The following ADAMTS18 variants were observed in gnomAD, a reference collection of about 807,000 sequenced individuals.
ADAMTS18 encodes the protein ADAM metallopeptidase with thrombospondin type 1 motif 18.
Under a neutral mutation model 165.9 loss-of-function variants are expected in ADAMTS18, and 157 were observed. That is an observed-to-expected ratio of 0.95 (90% CI 0.83 to 1.08). The LOEUF is 1.08. ADAMTS18 is among the 50% of genes least tolerant of loss of function. The pLI, the probability that ADAMTS18 is intolerant of heterozygous loss-of-function variation, is 0.00. For missense variants in ADAMTS18, 2,040 were observed against 1,534.0 expected, an observed-to-expected ratio of 1.33 and a Z score of -5.51; for synonymous variants, 782 against 578.2, an observed-to-expected ratio of 1.35 and a Z score of -5.06.
At chr16:77,398,063 T>C (rs965792620) in intron 3 of ADAMTS18, among the ~76,000 whole-genome samples, 3 of 152,146 alleles carry the variant, frequency 2.0e-5, no homozygotes, top group Non-Finnish European at 4.4e-5. Context: ...ACACCTATAA[T>C]CCCAGCACTT....
rs1420850640 is a variant in ADAMTS18, at chr16:77,282,636, G to A, written c.*1320C>T. On this transcript the variant is annotated 3_prime_UTR_variant, in exon 23 of 23. Transcript: ENST00000282849. ...ATCAAAGAAGTTGAGGAATAAAGTA[G>A]AATTTATGTAAATATGCCCTTTATA... The A allele has an allele frequency of 6.6e-6, 1 of 152,544 alleles. No homozygotes were observed. Among genetic ancestry groups the A allele is most frequent in the Non-Finnish European group, 1.5e-5 (1 of 68,032 alleles). The allele number at this position is 152,544 out of a possible 1,614,324, so 9.4% of individuals were successfully genotyped here.
chr16:77,417,294 G>A (rs947075763), intron 3 of ADAMTS18, among the ~76,000 whole-genome samples: 1 of 152,098 alleles, frequency 6.6e-6, no homozygotes. Flanking sequence ...GGGTGAGTGG[G>A]TGTGTGGGTG....
chr16:77,346,651 C>T (rs1170485239), intron 10 of ADAMTS18, among the ~76,000 whole-genome samples: 1 of 152,196 alleles, frequency 6.6e-6, no homozygotes, highest in Non-Finnish European at 1.5e-5. Context: ...CTTCTTCCAA[C>T]TTCTTTTAGC....
chr16:77,373,693 C>A (rs1473896169), intron 3 of ADAMTS18, among the ~76,000 whole-genome samples: 1 of 152,126 alleles, frequency 6.6e-6, no homozygotes, highest in Non-Finnish European at 1.5e-5. Flanking sequence ...CAAACACCAT[C>A]TGTCCCCCAA....
intron 16 of ADAMTS18, among the ~76,000 whole-genome samples, chr16:77,306,018 G>A (rs754389841): frequency 6.0e-4 from 92 of 152,204 alleles, no homozygotes; most frequent in Non-Finnish European, 1.1e-3. Context: ...CATCCCTCCC[G>A]TAATGGCACC....
chr16:77,327,179 G>C lies in ADAMTS18; in HGVS notation c.1860-1141C>G, dbSNP rs114022836. Among the ~76,000 whole-genome samples, 438 of 152,164 alleles carry C rather than the reference G, an allele frequency of 2.9e-3. 5 individuals are homozygous for C. Among genetic ancestry groups the C allele is most frequent in the African/African-American group, 9.4e-3 (389 of 41,534 alleles). On this transcript the variant is annotated intron_variant, in intron 12 of 22. Transcript: ENST00000282849. ...ACATATACCTGCATGTGTCTTTATGGTAGAACAATTTTTTAATTTTTGATT... is the reference window on the plus strand; with the variant it reads ...ACATATACCTGCATGTGTCTTTATGCTAGAACAATTTTTTAATTTTTGATT...
chr16:77,327,627 C>A (rs368816656), intron 12 of ADAMTS18, among the ~76,000 whole-genome samples: 1 of 152,328 alleles, frequency 6.6e-6, no homozygotes, highest in East Asian at 1.9e-4. Context: ...GTTATTCTAA[C>A]TGAAGGGATA....
At position 77,294,886 on chromosome 16, in the gene ADAMTS18, G is replaced by A. The variant is rs1488902108; in HGVS notation, c.3006+37C>T. The A allele has an allele frequency of 2.5e-6, 4 of 1,603,672 alleles. No homozygotes were observed. In the African/African-American group the frequency reaches 5.4e-5, roughly 21 times the overall value. On this transcript the variant is annotated intron_variant, in intron 19 of 22. Coordinates refer to ENST00000282849, the MANE Select transcript of ADAMTS18 (RefSeq NM_199355.4). Reference sequence around the variant, plus strand: ...ACACCTCTACTTTTGCCTTCATGGGGACCGAGAATAGTAACTCCCAAGTTT... The same window carrying A: ...ACACCTCTACTTTTGCCTTCATGGGAACCGAGAATAGTAACTCCCAAGTTT...
intron 15 of ADAMTS18, among the ~76,000 whole-genome samples, chr16:77,320,503 G>A (rs755559036): frequency 4.6e-5 from 7 of 152,096 alleles, no homozygotes; most frequent in Non-Finnish European, 7.4e-5. Flanking sequence ...GCTGGACATG[G>A]TGGCAGGTGC....
chr16:77,319,554 G>C (rs920394030), intron 16 of ADAMTS18, among the ~76,000 whole-genome samples: 1 of 152,060 alleles, frequency 6.6e-6, no homozygotes, highest in South Asian at 2.1e-4. Context: ...CAATTCTCCC[G>C]CCTCAGCCCC....
chr16:77,402,994 C>A (rs1324843161), intron 3 of ADAMTS18, among the ~76,000 whole-genome samples: 1 of 152,170 alleles, frequency 6.6e-6, no homozygotes, highest in African/African-American at 2.4e-5. Flanking sequence ...AATTTTTCAC[C>A]ATTACCATAA....
chr16:77,349,058 G>T lies in ADAMTS18; in HGVS notation c.1614+4675C>A, dbSNP rs554796446. ...GTTAAAATGGCATGCAGTAAACTTG[G>T]TATGTTACAAAGTAATAGTATAATA... is the stretch of plus-strand genomic sequence containing the variant. On this transcript the variant is annotated intron_variant, in intron 10 of 22. Transcript: ENST00000282849. 5.9e-5 allele frequency among the ~76,000 whole-genome samples: 9 copies of T among 152,276 alleles called. No homozygotes were observed. In the South Asian group the frequency reaches 1.9e-3, roughly 32 times the overall value.
rs889707 is a variant in ADAMTS18 at position 77,283,859 on chromosome 16, G to A, written c.*97C>T. On this transcript the variant is annotated 3_prime_UTR_variant, in exon 23 of 23. Transcript: ENST00000282849. ...TCATCACAGCGGCAGCTCACAGATGGTTCTCGGTGCTCAGCTCCTGGTCTC... is the reference window on the plus strand; with the variant it reads ...TCATCACAGCGGCAGCTCACAGATGATTCTCGGTGCTCAGCTCCTGGTCTC... 125,451 of 946,852 alleles carry A rather than the reference G, an allele frequency of 0.13. 9,237 individuals carry two copies. Among genetic ancestry groups the A allele is most frequent in the African/African-American group, 0.24 (14,883 of 61,884 alleles). 58.7% of individuals were successfully genotyped at this position (946,852 alleles called of 1,614,324 possible).
intron 18 of ADAMTS18, among the ~76,000 whole-genome samples, chr16:77,295,760 AT>A (rs1180116071): frequency 6.6e-6 from 1 of 152,032 alleles, no homozygotes; most frequent in African/African-American, 2.4e-5. Context: ...ACCTACCTTC[AT>A]TTTCTTTAAA....
intron 10 of ADAMTS18, among the ~76,000 whole-genome samples, chr16:77,352,686 A>G (rs1397942337): frequency 6.6e-6 from 1 of 152,144 alleles, no homozygotes; most frequent in Admixed American, 6.5e-5. Context: ...AAGAGGAGGA[A>G]GAAGAGGAAC....
At chr16:77,378,381 G>A (rs987506386) in intron 3 of ADAMTS18, among the ~76,000 whole-genome samples, 1 of 150,530 alleles carries the variant, frequency 6.6e-6, no homozygotes, top group African/African-American at 2.5e-5. Flanking sequence ...CCTTTACTTA[G>A]ATGATTTTTT....
At chr16:77,298,351 C>G (rs1333141352) in intron 17 of ADAMTS18, among the ~76,000 whole-genome samples, 1 of 152,098 alleles carries the variant, frequency 6.6e-6, no homozygotes, top group Non-Finnish European at 1.5e-5. Flanking sequence ...GAGATGCTGC[C>G]TCCCCTTTGA....
intron 3 of ADAMTS18, among the ~76,000 whole-genome samples, chr16:77,398,254 T>G (rs1281216134): frequency 1.3e-5 from 2 of 151,704 alleles, no homozygotes; most frequent in Non-Finnish European, 1.5e-5. Flanking sequence ...GAGGCAGAGG[T>G]TGCAGTGAGC....
In ADAMTS18 at chr16:77,434,738, A is replaced by AGGCGGAGCGCACG. The variant is rs1324368628; in HGVS notation, c.-56_-44dup. On this transcript the variant is annotated 5_prime_UTR_variant, in exon 1 of 23. It removes the in-frame stop codon of an upstream open reading frame in the 5' UTR. Transcript: ENST00000282849. ...GCGGCTGCGGGTGGCCAGACGCGGC[A>AGGCGGAGCGCACG]GGCGGAGCGCACGGGCGGCGCGCAT... 4 of 1,387,076 alleles carry AGGCGGAGCGCACG rather than the reference A, an allele frequency of 2.9e-6. No individual in the cohort carries two copies. Among genetic ancestry groups the AGGCGGAGCGCACG allele is most frequent in the South Asian group, 1.5e-5 (1 of 65,360 alleles). 85.9% of individuals were successfully genotyped at this position (1,387,076 alleles called of 1,614,324 possible).
Sources: allele counts gnomAD v4.1 joint callset (sites outside exome capture counted in the v4.1 genomes callset), GRCh38; gene constraint gnomAD v4.1.1; transcripts MANE v1.5; gene names NCBI Gene and HGNC (gene_info 2026-07-23, HGNC 2026-07-21).